The following OBI1 variants were observed in gnomAD, a reference collection of about 807,000 sequenced individuals.
OBI1 encodes the protein ORC ubiquitin ligase 1.
OBI1 carries 59 observed loss-of-function variants against 62.4 expected under a neutral mutation model. The ratio of observed to expected loss-of-function variants is 0.95; its 90% confidence interval spans 0.77 to 1.17. The LOEUF (loss-of-function observed/expected upper bound fraction) is 1.17, where lower values mean the gene tolerates loss of function less well. Ranked by LOEUF, OBI1 falls within the 50% of genes most tolerant of loss-of-function variation. The pLI is 0.00. For missense variants in OBI1, 875 were observed against 830.9 expected, an observed-to-expected ratio of 1.05 and a Z score of -0.65; for synonymous variants, 302 against 292.8, an observed-to-expected ratio of 1.03 and a Z score of -0.32.
In OBI1 at chr13:78,615,359, C is replaced by A. The variant is rs1875227266; in HGVS notation, c.*221G>T. The A allele has an allele frequency of 5.8e-5, 22 of 379,958 alleles. No homozygotes were observed. The highest frequency in any genetic ancestry group is 6.1e-5 in the Non-Finnish European group (13 of 214,864). 23.5% of individuals were successfully genotyped at this position (379,958 alleles called of 1,614,324 possible). A position where few individuals can be genotyped will look rare whatever the true frequency, so the allele number is the denominator to read the frequency against. On this transcript the variant is annotated 3_prime_UTR_variant, in exon 6 of 6. Coordinates refer to ENST00000282003, the MANE Select transcript of OBI1 (RefSeq NM_024546.4). The stretch of plus-strand genomic sequence containing the variant: ...ACAAAAATAACCTCCTCCCTAACTT[C>A]TCTGGTCACAAAGACTCCCAAATAA...
At chr13:78,655,344 CAA>C (rs56255445) in intron 1 of OBI1, among the ~76,000 whole-genome samples, 2 of 150,940 alleles carry the variant, frequency 1.3e-5, no homozygotes, top group Admixed American at 6.6e-5. Flanking sequence ...AACAAACAAA[CAA>C]AAAAAAAACA....
intron 4 of OBI1, among the ~76,000 whole-genome samples, chr13:78,637,365 G>T (rs954224263): frequency 2.6e-5 from 4 of 152,112 alleles, no homozygotes; most frequent in African/African-American, 9.7e-5. Flanking sequence ...ATATCCCAAA[G>T]AATTCTGAAG....
At chr13:78,630,472 A>G (rs746507385) in intron 5 of OBI1, among the ~76,000 whole-genome samples, 1 of 152,134 alleles carries the variant, frequency 6.6e-6, no homozygotes, top group Non-Finnish European at 1.5e-5. Flanking sequence ...CATAGACTAA[A>G]TGTTTGTGTC....
chr13:78,622,999 T>C (rs1875557288), intron 5 of OBI1, among the ~76,000 whole-genome samples: 2 of 152,148 alleles, frequency 1.3e-5, no homozygotes, highest in Admixed American at 1.3e-4. Flanking sequence ...CATCCTTGTA[T>C]ATGTGTTGGG....
At chr13:78,631,615 T>C (rs755643313) in intron 5 of OBI1, among the ~76,000 whole-genome samples, 3 of 152,024 alleles carry the variant, frequency 2.0e-5, no homozygotes, top group Non-Finnish European at 4.4e-5. Flanking sequence ...CCAGGTGAAA[T>C]AAATTCAGAA....
chr13:78,651,579 A>C (rs189317879), intron 1 of OBI1, among the ~76,000 whole-genome samples: 2 of 152,212 alleles, frequency 1.3e-5, no homozygotes, highest in East Asian at 3.9e-4. Context: ...TCAGCTTGAT[A>C]TATCCTCCTG....
intron 1 of OBI1, among the ~76,000 whole-genome samples, chr13:78,653,472 A>C (rs1052148396): frequency 7.2e-5 from 11 of 152,250 alleles, no homozygotes; most frequent in Non-Finnish European, 1.3e-4. Flanking sequence ...CTGAGACTCT[A>C]AGAAATAATG....
At chr13:78,634,080 C>CA (rs1875942600) in intron 5 of OBI1, among the ~76,000 whole-genome samples, 1 of 109,244 alleles carries the variant, frequency 9.2e-6, no homozygotes, top group Non-Finnish European at 1.9e-5. Flanking sequence ...AAACAAAAAA[C>CA]AAAAAACAAA....
chr13:78,654,249 T>C (rs1295089703), intron 1 of OBI1, among the ~76,000 whole-genome samples: 1 of 152,214 alleles, frequency 6.6e-6, no homozygotes, highest in East Asian at 1.9e-4. Flanking sequence ...TCTACGATTT[T>C]TGAATTAACT....
rs760558047 is a variant in OBI1 at position 78,615,550 on chromosome 13, C to CA, written c.*29dup. ...AACAACTTTTCTATTTCTCTCAGGACAAAACCACAAATGACACCTTTCTAA... is the reference window on the plus strand; with the variant it reads ...AACAACTTTTCTATTTCTCTCAGGACAAAAACCACAAATGACACCTTTCTAA... On this transcript the variant is annotated 3_prime_UTR_variant, in exon 6 of 6. Transcript: ENST00000282003. 5.3e-6 allele frequency: 8 copies of CA among 1,500,540 alleles called. No individual in the cohort carries two copies. Among genetic ancestry groups the CA allele is most frequent in the South Asian group, 1.3e-5 (1 of 77,390 alleles). 93.0% of individuals were successfully genotyped at this position (1,500,540 alleles called of 1,614,324 possible).
rs561441748 is a variant in OBI1 at position 78,648,475 on chromosome 13, T to C, written c.73-3478A>G. Reference sequence around the variant, plus strand: ...TGGATAAAAGCCAATGCTCAAGACATAAAAGTGTGCACATTATATGAGAGG... The same window carrying C: ...TGGATAAAAGCCAATGCTCAAGACACAAAAGTGTGCACATTATATGAGAGG... On this transcript the variant is annotated intron_variant, in intron 1 of 5. Coordinates refer to ENST00000282003, the MANE Select transcript of OBI1 (RefSeq NM_024546.4). 5.2e-4 allele frequency among the ~76,000 whole-genome samples: 79 copies of C among 152,096 alleles called. 2 individuals are homozygous for C. The Middle Eastern group carries it at 0.031, about 59-fold the overall frequency.
At chr13:78,620,684 T>G (rs1480186705) in intron 5 of OBI1, 1 of 456,096 alleles carries the variant, frequency 2.2e-6, no homozygotes, top group East Asian at 7.0e-5. Context: ...TTTCTGTCCC[T>G]AGTAAAAGAG....
intron 5 of OBI1, among the ~76,000 whole-genome samples, chr13:78,627,002 C>T (rs1177069241): frequency 6.6e-6 from 1 of 152,094 alleles, no homozygotes; most frequent in Non-Finnish European, 1.5e-5. Context: ...GGGGGCGGAG[C>T]TTGCAGTGAA....
At position 78,615,954 on chromosome 13, in the gene OBI1, T is replaced by A. The variant is rs1247131746; in HGVS notation, c.1807A>T (p.Asn603Tyr). 1 of 1,613,834 alleles carries A rather than the reference T, an allele frequency of 6.2e-7. No homozygotes were observed. Among genetic ancestry groups the A allele is most frequent in the Non-Finnish European group, 8.5e-7 (1 of 1,179,962 alleles). Residue 603 changes from asparagine to tyrosine, a missense_variant, in exon 6 of 6, where the codon AAT (asparagine) becomes TAT (tyrosine). Transcript: ENST00000282003. Reference protein sequence around the residue: ...KGSLTNDQLENGSEWKPTSFF... With the variant: ...KGSLTNDQLEYGSEWKPTSFF... ...GAAGTGGGTTTCCATTCACTTCCAT[T>A]TTCTAACTGATCATTAGTTAGAGAA...
rs539030259 is a variant in OBI1, at chr13:78,655,838, T to C, written c.72+3211A>G. ...CTTAGAAGTGGCCAGAGATGCTCTA[T>C]GTCAGGGAAGCAGAAGCGAACCTGA... On this transcript the variant is annotated intron_variant, in intron 1 of 5. Coordinates refer to ENST00000282003, the MANE Select transcript of OBI1 (RefSeq NM_024546.4). Among the ~76,000 whole-genome samples the C allele has an allele frequency of 4.6e-5, 7 of 152,292 alleles. No homozygotes were observed. In the South Asian group the frequency reaches 1.2e-3, roughly 27 times the overall value.
At chr13:78,619,004 T>C (rs1400789559) in intron 5 of OBI1, among the ~76,000 whole-genome samples, 1 of 152,208 alleles carries the variant, frequency 6.6e-6, no homozygotes, top group Non-Finnish European at 1.5e-5. Context: ...AAAACTGTAG[T>C]ATGTTTATTT....
chr13:78,639,707 T>C (rs6563055), intron 3 of OBI1, among the ~76,000 whole-genome samples: 53,056 of 145,238 alleles, frequency 0.37, 9,873 homozygotes, highest in African/African-American at 0.41. Context: ...ATGGATGAAA[T>C]TGGAAATCAA....
At chr13:78,656,390 C>T (rs1876701283) in intron 1 of OBI1, among the ~76,000 whole-genome samples, 1 of 152,010 alleles carries the variant, frequency 6.6e-6, no homozygotes, top group Non-Finnish European at 1.5e-5. Flanking sequence ...CAAGACCAGC[C>T]TGACCAACAT....
chr13:78,640,087 G>A (rs1358656511), intron 3 of OBI1, among the ~76,000 whole-genome samples: 1 of 151,888 alleles, frequency 6.6e-6, no homozygotes, highest in African/African-American at 2.4e-5. Context: ...ATTCCAACAG[G>A]GAAGTAGATT....
Sources: allele counts gnomAD v4.1 joint callset (sites outside exome capture counted in the v4.1 genomes callset), GRCh38; gene constraint gnomAD v4.1.1; transcripts MANE v1.5; gene names NCBI Gene and HGNC (gene_info 2026-07-23, HGNC 2026-07-21).